Variants in ADD1 observed in about 807,000 individuals in gnomAD.
ADD1 encodes the protein alpha-adducin.
In ADD1, 24 loss-of-function variants were observed where a neutral mutation model predicts 80.5. That is an observed-to-expected ratio of 0.30 (90% CI 0.22 to 0.42). ADD1 has a LOEUF of 0.42. Ranked by LOEUF, ADD1 falls within the 10% of genes least tolerant of loss-of-function variation. The pLI, the probability that ADD1 is intolerant of heterozygous loss-of-function variation, is 1.00. For missense variants in ADD1, 948 were observed against 1,019.0 expected, an observed-to-expected ratio of 0.93 and a Z score of 0.95; for synonymous variants, 373 against 393.8, an observed-to-expected ratio of 0.95 and a Z score of 0.63.
intron 6 of ADD1, among the ~76,000 whole-genome samples, chr4:2,897,798 A>C (rs1243175114): frequency 6.6e-6 from 1 of 152,206 alleles, no homozygotes; most frequent in Non-Finnish European, 1.5e-5. Flanking sequence ...TTGGGATTAC[A>C]GGTGTGAGCC....
At chr4:2,915,120 C>T in intron 14 of ADD1, 80 bp downstream of exon 14, 1 of 1,452,622 alleles carries the variant, frequency 6.9e-7, no homozygotes, top group South Asian at 1.4e-5. Context: ...CAGGTGCTGG[C>T]TGTGGGTGGT....
intron 4 of ADD1, among the ~76,000 whole-genome samples, chr4:2,893,634 T>C (rs1734678329): frequency 6.6e-6 from 1 of 151,640 alleles, no homozygotes; most frequent in Admixed American, 6.6e-5. Flanking sequence ...AAGAATAATG[T>C]AAGTTTTGGT....
In ADD1 at chr4:2,907,746, A is replaced by T; in HGVS notation, c.1510A>T (p.Thr504Ser). 1 of 1,613,592 alleles carries T rather than the reference A, an allele frequency of 6.2e-7. No individual in the cohort carries two copies. Among genetic ancestry groups the T allele is most frequent in the Non-Finnish European group, 8.5e-7 (1 of 1,179,574 alleles). The part of the protein sequence containing the change: ...VPSCITNCLW[T>S]KEDGHRTSTS... ...TCAACTGTTCTTGATATTACAGTGG[A>T]CTAAAGAGGATGGACATAGAACTTC... Residue 504 changes from threonine (T) to serine (S), a missense_variant, in exon 11 of 16, where the codon ACT (threonine) becomes TCT (serine). Physicochemically the swap from Thr to Ser is moderately conservative, Grantham distance 58 (BLOSUM62 1). Coordinates refer to ENST00000683351, the MANE Select transcript of ADD1 (RefSeq NM_001354761.2).
chr4:2,889,091 T>C (rs966656656), intron 4 of ADD1, among the ~76,000 whole-genome samples: 4 of 152,088 alleles, frequency 2.6e-5, no homozygotes, highest in Non-Finnish European at 5.9e-5. Flanking sequence ...GCAAGGAGAT[T>C]TTTCCTACCA....
rs1712299166 is a variant in ADD1, at chr4:2,928,360, A to C, written c.2237A>C (p.Asp746Ala). ...GAGGCCAGCCCCGAGCCAGCCCCAG[A>C]CCCAGCCCCGGTGGCTGAAGAGGCT... Reference protein sequence around the residue: ...PTEASPEPAPDPAPVAEEAAP... With the variant: ...PTEASPEPAPAPAPVAEEAAP... Residue 746 changes from aspartate to alanine, a missense_variant, in exon 16 of 16, where the codon GAC becomes GCC. Physicochemically the swap from Asp to Ala is moderately radical, Grantham distance 126. Coordinates refer to ENST00000683351, the MANE Select transcript of ADD1 (RefSeq NM_001354761.2). 1.9e-6 allele frequency: 3 copies of C among 1,613,390 alleles called. No homozygotes were observed. Among genetic ancestry groups the C allele is most frequent in the Non-Finnish European group, 2.5e-6 (3 of 1,179,872 alleles).
At chr4:2,882,594 T>C (rs11940684) in intron 3 of ADD1, among the ~76,000 whole-genome samples, 2,551 of 152,322 alleles carry the variant, frequency 0.017, 57 homozygotes, top group African/African-American at 0.049. Flanking sequence ...ATATTGTACC[T>C]TGGATTAGTC....
chr4:2,925,570 A>C (rs1355272255), intron 14 of ADD1, among the ~76,000 whole-genome samples: 2 of 152,242 alleles, frequency 1.3e-5, no homozygotes, highest in Admixed American at 6.5e-5. Flanking sequence ...TATTGGGATA[A>C]AATGCCCTAC....
At chr4:2,885,722 G>A (rs1031171216) in intron 4 of ADD1, among the ~76,000 whole-genome samples, 2 of 152,028 alleles carry the variant, frequency 1.3e-5, no homozygotes, top group African/African-American at 4.8e-5. Context: ...CCATTCTCCT[G>A]CCTCAGCCTC....
chr4:2,918,802 A>G lies in ADD1; in HGVS notation c.1948+3762A>G, dbSNP rs185282676. ...GGTTTTTGTCATTGGTTCTATTTATACGATGGATTACGTTTATTGATTTGC... is the reference window on the plus strand; with the variant it reads ...GGTTTTTGTCATTGGTTCTATTTATGCGATGGATTACGTTTATTGATTTGC... On this transcript the variant is annotated intron_variant, in intron 14 of 15. Coordinates refer to ENST00000683351, the MANE Select transcript of ADD1 (RefSeq NM_001354761.2). Among the ~76,000 whole-genome samples the G allele has an allele frequency of 3.2e-3, 487 of 150,596 alleles. 1 individual carries two copies. Among genetic ancestry groups the G allele is most frequent in the African/African-American group, 0.011 (472 of 41,170 alleles).
intron 9 of ADD1, chr4:2,899,678 C>T (rs997876036): frequency 7.7e-6 from 4 of 521,950 alleles, no homozygotes; most frequent in Non-Finnish European, 1.4e-5. Flanking sequence ...TCAGTGGGGA[C>T]AAGAGCACAG....
chr4:2,909,129 T>C, intron 12 of ADD1: 1 of 582,482 alleles, frequency 1.7e-6, no homozygotes, highest in South Asian at 2.0e-5. Context: ...CTTTAACACC[T>C]GACTCTGCAG....
chr4:2,870,238 TTTAGTTA>T (rs1730212337), intron 1 of ADD1, among the ~76,000 whole-genome samples: 3 of 152,232 alleles, frequency 2.0e-5, no homozygotes, highest in Non-Finnish European at 4.4e-5. Flanking sequence ...TGACCTGAGG[TTTAGTTA>T]CACATTAATA....
intron 9 of ADD1, chr4:2,902,173 A>G (rs1227893414): frequency 6.6e-6 from 1 of 152,234 alleles, no homozygotes; most frequent in Non-Finnish European, 1.5e-5. Context: ...TGGTTTCAGG[A>G]TAAAATGATG....
chr4:2,928,305 A>G lies in ADD1; in HGVS notation c.2182A>G (p.Arg728Gly). Reference sequence around the variant, plus strand: ...GTTAGAGAAGGAGGAGGAAGCCCATAGACCCCCAAGCCCCACTGAGGCCCC... The same window carrying G: ...GTTAGAGAAGGAGGAGGAAGCCCATGGACCCCCAAGCCCCACTGAGGCCCC... ...PMLEKEEEAH[R>G]PPSPTEAPTE... The change falls in exon 16 of 16, where the codon AGA (arginine) becomes GGA (glycine). Residue 728 changes from arginine to glycine, a missense_variant. Coordinates refer to ENST00000683351, the MANE Select transcript of ADD1 (RefSeq NM_001354761.2). 6.2e-7 allele frequency: 1 copy of G among 1,614,048 alleles called. No homozygotes were observed. The highest frequency in any genetic ancestry group is 8.5e-7 in the Non-Finnish European group (1 of 1,180,014).
intron 1 of ADD1, among the ~76,000 whole-genome samples, chr4:2,865,754 G>T (rs1239160048): frequency 6.6e-6 from 1 of 151,308 alleles, no homozygotes; most frequent in Non-Finnish European, 1.5e-5. Flanking sequence ...GTGAAATTCA[G>T]AAAAAAAATT....
intron 1 of ADD1, among the ~76,000 whole-genome samples, chr4:2,863,979 A>T (rs953503008): frequency 6.6e-6 from 1 of 152,214 alleles, no homozygotes; most frequent in African/African-American, 2.4e-5. Context: ...CATGTGGGGC[A>T]CATTTAACCC....
intron 1 of ADD1, among the ~76,000 whole-genome samples, chr4:2,857,718 G>T (rs1413789273): frequency 6.6e-6 from 1 of 152,238 alleles, no homozygotes; most frequent in South Asian, 2.1e-4. Context: ...TGTATTCAGT[G>T]TGAGGTTGGT....
At chr4:2,858,846 T>G (rs1728443711) in intron 1 of ADD1, among the ~76,000 whole-genome samples, 1 of 152,132 alleles carries the variant, frequency 6.6e-6, no homozygotes, top group Admixed American at 6.5e-5. Context: ...ATAAACATAT[T>G]TACTATTATG....
chr4:2,908,545 A>T lies in ADD1; in HGVS notation c.1639A>T (p.Thr547Ser). The T allele has an allele frequency of 6.2e-7, 1 of 1,614,166 alleles. No individual in the cohort carries two copies. The highest frequency in any genetic ancestry group is 8.5e-7 in the Non-Finnish European group (1 of 1,180,020). ...IREQNLQDIK[T>S]AGPQSQVLCG... The stretch of plus-strand genomic sequence containing the variant: ...AGAGCAGAATTTACAGGACATTAAG[A>T]CGGCTGGCCCTCAGTCCCAGGTTTT... The change falls in exon 12 of 16, where the codon ACG becomes TCG. Residue 547 changes from threonine to serine, a missense_variant. Transcript: ENST00000683351.
Sources: gnomAD v4.1 joint callset for allele counts (sites outside exome capture counted in the v4.1 genomes callset) on GRCh38, gnomAD v4.1.1 for gene constraint, MANE v1.5 for transcripts, NCBI Gene and HGNC (gene_info 2026-07-23, HGNC 2026-07-21) for gene names.